SLC36A2: variants seen among roughly 807,000 people sequenced by gnomAD.
SLC36A2 encodes the protein solute carrier family 36 member 2, also known as proton-coupled amino acid transporter 2.
SLC36A2 carries 39 observed loss-of-function variants against 42.7 expected under a neutral mutation model. The observed-to-expected ratio is 0.91, with a 90% CI of 0.71 to 1.19. The LOEUF is 1.19. SLC36A2 is among the 50% of genes most tolerant of loss of function. SLC36A2 has a pLI of 0.00. For synonymous variants in SLC36A2, 237 were observed against 240.8 expected (o/e 0.98, Z 0.15); for missense variants, 590 against 613.7 (o/e 0.96, Z 0.41).
At chr5:151,323,854 A>G (rs1186455246) in intron 8 of SLC36A2, among the ~76,000 whole-genome samples, 4 of 152,210 alleles carry the variant, frequency 2.6e-5, no homozygotes, top group Admixed American at 2.0e-4. Flanking sequence ...TCTGCTTATA[A>G]TTGGCATGCA....
In SLC36A2 at chr5:151,315,543, C is replaced by T. The variant is rs1471839583; in HGVS notation, c.*1274G>A. The T allele has an allele frequency of 1.3e-5, 2 of 152,290 alleles. No individual in the cohort carries two copies. The highest frequency in any genetic ancestry group is 4.8e-5 in the African/African-American group (2 of 41,452). The allele number at this position is 152,290 out of a possible 1,614,324, so 9.4% of individuals were successfully genotyped here. A position where few individuals can be genotyped will look rare whatever the true frequency, so the allele number is the denominator to read the frequency against. ...TTGGGAGGCTGAGGCAGAAGAATCGCTTGAACCCAGGAGGTGGAGGTTGCA... is the reference window on the plus strand; with the variant it reads ...TTGGGAGGCTGAGGCAGAAGAATCGTTTGAACCCAGGAGGTGGAGGTTGCA... On this transcript the variant is annotated 3_prime_UTR_variant, in exon 10 of 10. Coordinates refer to ENST00000335244, the MANE Select transcript of SLC36A2 (RefSeq NM_181776.3).
chr5:151,336,144 T>G (rs1580857844), intron 5 of SLC36A2, among the ~76,000 whole-genome samples: 1 of 152,242 alleles, frequency 6.6e-6, no homozygotes, highest in Admixed American at 6.5e-5. Context: ...TGGTGAGTTC[T>G]TTCTTGTCAT....
chr5:151,338,423 T>G (rs1480144684), intron 5 of SLC36A2, among the ~76,000 whole-genome samples: 1 of 152,054 alleles, frequency 6.6e-6, no homozygotes, highest in Non-Finnish European at 1.5e-5. Flanking sequence ...CATGCTATAA[T>G]CCCAGTACTT....
At chr5:151,340,591 G>A (rs1169918029) in intron 4 of SLC36A2, among the ~76,000 whole-genome samples, 1 of 152,220 alleles carries the variant, frequency 6.6e-6, no homozygotes, top group East Asian at 1.9e-4. Flanking sequence ...GGCTAGAAAG[G>A]TAGGAGGGAA....
intron 4 of SLC36A2, among the ~76,000 whole-genome samples, chr5:151,341,910 C>T (rs1756358216): frequency 6.6e-6 from 1 of 152,200 alleles, no homozygotes; most frequent in African/African-American, 2.4e-5. Flanking sequence ...CTCCCAATCC[C>T]AGGATCCAGT....
chr5:151,321,147 A>G (rs2431448), intron 9 of SLC36A2, among the ~76,000 whole-genome samples: 1,356 of 29,790 alleles, frequency 0.046, 10 homozygotes, highest in Admixed American at 0.1. Flanking sequence ...CTTATGATTT[A>G]TTTATTTATT....
intron 4 of SLC36A2, among the ~76,000 whole-genome samples, chr5:151,340,188 AGGT>A (rs1465836754): frequency 5.7e-4 from 40 of 70,100 alleles, no homozygotes; most frequent in Non-Finnish European, 8.5e-4. Context: ...GAGGAGGAAG[AGGT>A]GGAGGAGGAG....
At chr5:151,333,802 C>T (rs1038461424) in intron 6 of SLC36A2, among the ~76,000 whole-genome samples, 2 of 152,194 alleles carry the variant, frequency 1.3e-5, no homozygotes, top group African/African-American at 2.4e-5. Flanking sequence ...CGCACCACTG[C>T]ACTCCAGCCT....
chr5:151,338,744 T>C (rs10061388), intron 5 of SLC36A2: 19,386 of 249,924 alleles, frequency 0.078, 3,765 homozygotes, highest in African/African-American at 0.41. Context: ...AAGACCCATA[T>C]CAATTTTAGA....
rs5872202 is a variant in SLC36A2, at chr5:151,326,812, C to CTTTTTTTTTTTTTT, written c.844-1361_844-1360insAAAAAAAAAAAAAA. ...TGAAAACGGGCTCAAATGAATTTAC[C>CTTTTTTTTTTTTTT]TTTTTTTTTTTTTCTTTTTTGGAGA... On this transcript the variant is annotated intron_variant, in intron 7 of 9. Coordinates refer to ENST00000335244, the MANE Select transcript of SLC36A2 (RefSeq NM_181776.3). Among the ~76,000 whole-genome samples the CTTTTTTTTTTTTTT allele has an allele frequency of 4.2e-5, 6 of 142,282 alleles. 1 individual carries two copies. The highest frequency in any genetic ancestry group is 3.0e-5 in the Non-Finnish European group (2 of 66,232). 93.3% of individuals were successfully genotyped at this position (142,282 alleles called of 152,430 possible).
intron 5 of SLC36A2, 99 bp from the exon 6 acceptor site, chr5:151,335,646 AAT>A: frequency 4.5e-6 from 4 of 886,002 alleles, no homozygotes; most frequent in Non-Finnish European, 3.8e-6. Flanking sequence ...CCTCACAGTG[AAT>A]GGGAGTGTCC....
chr5:151,323,521 G>C (rs1289713960), intron 8 of SLC36A2, among the ~76,000 whole-genome samples: 1 of 152,156 alleles, frequency 6.6e-6, no homozygotes, highest in Non-Finnish European at 1.5e-5. Flanking sequence ...AGGCAACTGA[G>C]GTTCAGAGAG....
chr5:151,335,398 G>A lies in SLC36A2; in HGVS notation c.675C>T (p.Thr225=), dbSNP rs1344275600. The change falls in exon 6 of 10, where the codon ACC becomes ACT. Residue 225 remains threonine, a synonymous_variant. Transcript: ENST00000335244. ...LVLIRNLRIL[T]IFSMLANISM... is the part of the protein sequence containing the mutation. ...TGATGTTGGCCAGCATGGAGAAGAT[G>A]GTCAAGATCCTGAGGTTCCGGATGA... The A allele has an allele frequency of 1.9e-6, 3 of 1,614,008 alleles. No homozygotes were observed. Among genetic ancestry groups the A allele is most frequent in the Non-Finnish European group, 8.5e-7 (1 of 1,180,020 alleles).
In SLC36A2 at chr5:151,335,352, T is replaced by A. The variant is rs765872409; in HGVS notation, c.721A>T (p.Ile241Phe). The change falls in exon 6 of 10, where the codon ATC (isoleucine) becomes TTC (phenylalanine). Residue 241 changes from isoleucine to phenylalanine, a missense_variant. Transcript: ENST00000335244. The part of the protein sequence containing the change: ...ANISMLVSLV[I>F]IIQYITQEIP... ...ACCTGGGTAATGTACTGTATGATGA[T>A]GACCAAGCTGACCAGCATGCTGATG... is the stretch of plus-strand genomic sequence containing the variant. The A allele has an allele frequency of 2.0e-5, 32 of 1,613,410 alleles. No homozygotes were observed. The highest frequency in any genetic ancestry group is 3.3e-5 in the Admixed American group (2 of 59,938).
At chr5:151,323,197 T>C (rs1053231951) in intron 8 of SLC36A2, among the ~76,000 whole-genome samples, 2 of 151,952 alleles carry the variant, frequency 1.3e-5, no homozygotes. Flanking sequence ...ATCGCACCAC[T>C]GCACTCTAGC....
chr5:151,331,507 C>T (rs1379034773), intron 7 of SLC36A2, among the ~76,000 whole-genome samples: 8 of 151,834 alleles, frequency 5.3e-5, no homozygotes, highest in African/African-American at 1.9e-4. Flanking sequence ...TTTGCAGAGA[C>T]AGGGTCTCTG....
chr5:151,332,394 T>G lies in SLC36A2; in HGVS notation c.843+830A>C, dbSNP rs186831724. 2.4e-5 allele frequency: 11 copies of G among 455,574 alleles called. No individual in the cohort carries two copies. The East Asian group carries it at 7.6e-4, about 32-fold the overall frequency. 28.2% of individuals were successfully genotyped at this position (455,574 alleles called of 1,614,324 possible). A position where few individuals can be genotyped will look rare whatever the true frequency, so the allele number is the denominator to read the frequency against. On this transcript the variant is annotated intron_variant, in intron 7 of 9. Coordinates refer to ENST00000335244, the MANE Select transcript of SLC36A2 (RefSeq NM_181776.3). ...AATTGCCAACAAGCAAATGAAAAGA[T>G]GTTCAATGTCAAAAACCTGTACACA...
intron 5 of SLC36A2, among the ~76,000 whole-genome samples, chr5:151,336,864 T>C (rs1320201699): frequency 6.6e-6 from 1 of 152,296 alleles, no homozygotes; most frequent in East Asian, 1.9e-4. Context: ...CACAAATGCA[T>C]TGATAATCTC....
chr5:151,347,117 G>A (rs2127305275), intron 1 of SLC36A2, among the ~76,000 whole-genome samples, 180 bp downstream of exon 1: 1 of 152,260 alleles, frequency 6.6e-6, no homozygotes, highest in South Asian at 2.1e-4. Flanking sequence ...GTCCCTAAGG[G>A]CTTTTCTGAC....
Sources: allele counts gnomAD v4.1 joint callset (sites outside exome capture counted in the v4.1 genomes callset), GRCh38; gene constraint gnomAD v4.1.1; transcripts MANE v1.5; gene names NCBI Gene and HGNC (gene_info 2026-07-23, HGNC 2026-07-21).